Variants in KRT86 observed in about 807,000 individuals in gnomAD.
KRT86 encodes the protein keratin, type II cuticular Hb6.
Under a neutral mutation model 41.2 loss-of-function variants are expected in KRT86, and 30 were observed. The ratio of observed to expected loss-of-function variants is 0.73; its 90% CI spans 0.54 to 0.99. The LOEUF (loss-of-function observed/expected upper bound fraction) is 0.99, where lower values mean the gene tolerates loss of function less well. KRT86 is among the 50% of genes least tolerant of loss of function. KRT86 has a pLI of 0.00. For synonymous variants in KRT86, 238 were observed against 238.1 expected (o/e 1.00, Z 0.00); for missense variants, 561 against 571.4 (o/e 0.98, Z 0.19).
chr12:52,286,284 AC>A (rs1407731320), intron 2 of KRT86: 2 of 1,553,756 alleles, frequency 1.3e-6, no homozygotes, highest in South Asian at 2.4e-5. Flanking sequence ...CTGCCGCAAG[AC>A]CCCACACCCA....
chr12:52,291,648 AC>A, intron 2 of KRT86: 1 of 861,462 alleles, frequency 1.2e-6, no homozygotes, highest in Non-Finnish European at 1.8e-6. Context: ...GCCGGGTCTA[AC>A]GCCTCTCCAG....
intron 2 of KRT86, chr12:52,291,418 C>A (rs149101320): frequency 6.2e-7 from 1 of 1,611,764 alleles, no homozygotes; most frequent in Non-Finnish European, 8.5e-7. Flanking sequence ...GCCCGCAGGC[C>A]GAGATGCAGC....
intron 2 of KRT86, among the ~76,000 whole-genome samples, chr12:52,283,184 A>T (rs1013244801): frequency 2.0e-5 from 3 of 151,900 alleles, no homozygotes; most frequent in Non-Finnish European, 4.4e-5. Context: ...TCACAAGGTC[A>T]GGAGTTTGAG....
intron 2 of KRT86, among the ~76,000 whole-genome samples, chr12:52,297,544 G>T (rs1938279461): frequency 6.6e-6 from 1 of 152,210 alleles, no homozygotes; most frequent in South Asian, 2.1e-4. Context: ...ACCGAAGGGA[G>T]CACTGAACAA....
intron 2 of KRT86, chr12:52,287,198 C>G (rs779295867): frequency 6.2e-7 from 1 of 1,613,944 alleles, no homozygotes; most frequent in East Asian, 2.2e-5. Flanking sequence ...CCTGATCAGG[C>G]AGGCCATGTC....
chr12:52,286,855 G>T (rs777990155), intron 2 of KRT86: 1 of 1,612,346 alleles, frequency 6.2e-7, no homozygotes, highest in Non-Finnish European at 8.5e-7. Flanking sequence ...CAACATTAGT[G>T]ACTGCCCCAG....
intron 2 of KRT86, chr12:52,288,354 C>G (rs781635773): frequency 1.2e-6 from 2 of 1,613,982 alleles, no homozygotes; most frequent in South Asian, 2.2e-5. Context: ...GGCCCCTGAG[C>G]CCGCACCTCC....
chr12:52,301,509 G>A (rs542698894), intron 2 of KRT86, among the ~76,000 whole-genome samples: 2 of 152,150 alleles, frequency 1.3e-5, no homozygotes, highest in African/African-American at 2.4e-5. Context: ...GTCAAACCCC[G>A]CAGGACAGAA....
At position 52,308,617 on chromosome 12, in the gene KRT86, G is replaced by A. The variant is rs758531707; in HGVS notation, c.*32G>A. On this transcript the variant is annotated 3_prime_UTR_variant, in exon 11 of 11. Coordinates refer to ENST00000423955, the MANE Select transcript of KRT86 (RefSeq NM_001320198.2). ...GCCGCCTCCGCCAGCGCCTGTCGCC[G>A]TCACTCTCCACCCAGCCAGTACCTC... The A allele has an allele frequency of 1.9e-6, 3 of 1,586,190 alleles. No homozygotes were observed. Among genetic ancestry groups the A allele is most frequent in the South Asian group, 1.1e-5 (1 of 90,250 alleles).
intron 2 of KRT86, among the ~76,000 whole-genome samples, chr12:52,281,343 G>A (rs1937767299): frequency 6.6e-6 from 1 of 152,196 alleles, no homozygotes; most frequent in Non-Finnish European, 1.5e-5. Flanking sequence ...TGCTAACTTG[G>A]CTGTGGTCAT....
chr12:52,300,059 G>C (rs1938337151), intron 2 of KRT86, among the ~76,000 whole-genome samples: 2 of 152,094 alleles, frequency 1.3e-5, no homozygotes, highest in African/African-American at 4.8e-5. Flanking sequence ...TTTTCTTCTA[G>C]TAGTTTCATA....
At chr12:52,299,225 T>A (rs542078464) in intron 2 of KRT86, among the ~76,000 whole-genome samples, 1 of 152,240 alleles carries the variant, frequency 6.6e-6, no homozygotes, top group African/African-American at 2.4e-5. Context: ...CCTCAATTAT[T>A]TTCCCTAACA....
chr12:52,300,420 A>C (rs1178329921), intron 2 of KRT86, among the ~76,000 whole-genome samples: 1 of 152,208 alleles, frequency 6.6e-6, no homozygotes, highest in African/African-American at 2.4e-5. Flanking sequence ...AATGATTGTA[A>C]TGAAGCCCAT....
chr12:52,297,905 T>C (rs540742522), intron 2 of KRT86, among the ~76,000 whole-genome samples: 2 of 152,322 alleles, frequency 1.3e-5, no homozygotes, highest in South Asian at 4.1e-4. Flanking sequence ...ATCAAGTCCA[T>C]ATCCCCCATC....
At chr12:52,286,829 G>A in intron 2 of KRT86, 1 of 1,613,810 alleles carries the variant, frequency 6.2e-7, no homozygotes, top group Non-Finnish European at 8.5e-7. Context: ...TAGCCTGAGG[G>A]CAAAAGAGAA....
chr12:52,295,040 C>T (rs920106942), intron 2 of KRT86, among the ~76,000 whole-genome samples: 1 of 152,150 alleles, frequency 6.6e-6, no homozygotes. Context: ...TTCCAGAGTT[C>T]TGTAGATTGA....
At chr12:52,286,079 G>A in intron 2 of KRT86, 3 of 651,270 alleles carry the variant, frequency 4.6e-6, no homozygotes, top group Non-Finnish European at 8.1e-6. Flanking sequence ...TCCCACTGTG[G>A]GGTGGCAGAG....
chr12:52,282,788 T>G (rs992057568), intron 2 of KRT86, among the ~76,000 whole-genome samples: 14 of 152,348 alleles, frequency 9.2e-5, no homozygotes, highest in Admixed American at 7.8e-4. Flanking sequence ...GGTCTACCCA[T>G]GTACCCACAC....
Position 52,301,970 on chromosome 12 carries a change from CG to C in KRT86, c.57del (p.Arg21GlyfsTer82). On this transcript the variant is annotated frameshift_variant, in exon 3 of 11. Transcript: ENST00000423955. LOFTEE classifies it high-confidence loss of function. ...GRAFSCISAC[G>X]PRPGRCCITA... Reference sequence around the variant, plus strand: ...GCGCCTTCAGCTGCATCTCGGCCTGCGGGCCCCGGCCCGGCCGCTGCTGCAT... The same window carrying C: ...GCGCCTTCAGCTGCATCTCGGCCTGCGGCCCCGGCCCGGCCGCTGCTGCAT... The C allele has an allele frequency of 6.2e-7, 1 of 1,613,528 alleles. No homozygotes were observed. Among genetic ancestry groups the C allele is most frequent in the Non-Finnish European group, 8.5e-7 (1 of 1,179,750 alleles).
Sources: gnomAD v4.1 joint callset for allele counts (sites outside exome capture counted in the v4.1 genomes callset) on GRCh38, gnomAD v4.1.1 for gene constraint, MANE v1.5 for transcripts, NCBI Gene and HGNC (gene_info 2026-07-23, HGNC 2026-07-21) for gene names.